Variants in CELA3B observed in about 807,000 individuals in gnomAD.
CELA3B encodes chymotrypsin like elastase 3B, also known as chymotrypsin-like elastase family member 3B.
Under a neutral mutation model 37.2 loss-of-function variants are expected in CELA3B, and 34 were observed. That is an observed-to-expected ratio of 0.91 (90% CI 0.70 to 1.22). CELA3B has a LOEUF of 1.22. CELA3B is among the 50% of genes most tolerant of loss of function. The pLI is 0.00. For missense variants in CELA3B, 340 were observed against 363.1 expected, an observed-to-expected ratio of 0.94 and a Z score of 0.52; for synonymous variants, 127 against 143.5, an observed-to-expected ratio of 0.89 and a Z score of 0.82.
chr1:21,981,816 C>G (rs1176883339), intron 4 of CELA3B, among the ~76,000 whole-genome samples: 1 of 151,924 alleles, frequency 6.6e-6, no homozygotes, highest in Admixed American at 6.6e-5. Flanking sequence ...AGCTCTGCCT[C>G]CCGGGTTCAC....
chr1:21,981,054 C>G lies in CELA3B; in HGVS notation c.244C>G (p.Gln82Glu). The G allele has an allele frequency of 6.2e-7, 1 of 1,614,124 alleles. No homozygotes were observed. The highest frequency in any genetic ancestry group is 8.5e-7 in the Non-Finnish European group (1 of 1,180,030). Residue 82 changes from glutamine (Q) to glutamate (E), a missense_variant, in exon 4 of 8, where the codon CAG (glutamine) becomes GAG (glutamate). By Grantham distance (29) the Gln-to-Glu change is conservative (BLOSUM62 2). Transcript: ENST00000337107. ...CGCCCGCAGGAGCTCCCGGACCTAC[C>G]AGGTGGTGTTGGGCGAGTACGACCG... The part of the protein sequence containing the change: ...GHCISSSRTY[Q>E]VVLGEYDRAV...
At chr1:21,986,184 C>G (rs1161095648) in intron 6 of CELA3B, among the ~76,000 whole-genome samples, 1 of 151,334 alleles carries the variant, frequency 6.6e-6, no homozygotes, top group Non-Finnish European at 1.5e-5. Flanking sequence ...ACCTGGCCAA[C>G]ATGGTGAAAT....
chr1:21,993,324 T>G (rs12123754), downstream of CELA3B, among the ~76,000 whole-genome samples: 6,645 of 150,458 alleles, frequency 0.044, 527 homozygotes, highest in African/African-American at 0.13. Context: ...TAGCTGAGCA[T>G]GGTGGCGCGT....
intron 6 of CELA3B, among the ~76,000 whole-genome samples, chr1:21,986,213 A>G (rs1187145211): frequency 6.6e-6 from 1 of 151,370 alleles, no homozygotes; most frequent in Non-Finnish European, 1.5e-5. Flanking sequence ...TATTAAATAT[A>G]CAAAAATTAG....
rs1326943993 is a variant in CELA3B, at chr1:21,985,657, C to T, written c.643-874C>T. Among the ~76,000 whole-genome samples, 8 of 151,442 alleles carry T rather than the reference C, an allele frequency of 5.3e-5. No homozygotes were observed. In the South Asian group the frequency reaches 1.7e-3, roughly 32 times the overall value. On this transcript the variant is annotated intron_variant, in intron 6 of 7. Coordinates refer to ENST00000337107, the MANE Select transcript of CELA3B (RefSeq NM_007352.4). ...CTGTAATCCCAGCACTTTGGGAGGCCGAGCCGGGCGGATCACGAGGTCAGG... is the reference window on the plus strand; with the variant it reads ...CTGTAATCCCAGCACTTTGGGAGGCTGAGCCGGGCGGATCACGAGGTCAGG...
rs189004816 is a variant in CELA3B, at chr1:21,997,004, T to C, written c.505-1147T>C. Among the ~76,000 whole-genome samples the C allele has an allele frequency of 7.9e-4, 119 of 151,348 alleles. 4 individuals carry two copies. Among genetic ancestry groups the C allele is most frequent in the Admixed American group, 1.8e-3 (27 of 15,194 alleles). ...TTTTAAGAATTTATTCCAGCAAAAA[T>C]CTGAGAATAGTCATCCAGAAACATG... On this transcript the variant is annotated intron_variant, in intron 4 of 4. Coordinates refer to the CELA3B transcript ENST00000400277.
chr1:21,985,919 C>T (rs1449132841), intron 6 of CELA3B, among the ~76,000 whole-genome samples: 6 of 8,738 alleles, frequency 6.9e-4, no homozygotes, highest in African/African-American at 1.5e-3. Flanking sequence ...ATCAAATACC[C>T]TCGTATTATA....
chr1:21,980,965 G>A (rs1399939798), intron 3 of CELA3B, 44 bp downstream of exon 3: 1 of 1,614,118 alleles, frequency 6.2e-7, no homozygotes, highest in Non-Finnish European at 8.5e-7. Flanking sequence ...CGGGCAGCTG[G>A]GGAGGGTGGG....
chr1:21,989,740 A>T (rs2501268), downstream of CELA3B, among the ~76,000 whole-genome samples: 59 of 151,016 alleles, frequency 3.9e-4, no homozygotes, highest in African/African-American at 1.3e-3. Context: ...ACAATGTGTG[A>T]TCTGCTTCCA....
At chr1:21,992,968 CA>C (rs569090847), downstream of CELA3B, among the ~76,000 whole-genome samples, 12,159 of 107,242 alleles carry the variant, frequency 0.11, 1,553 homozygotes, top group African/African-American at 0.32. Flanking sequence ...ACCTTGTCTC[CA>C]AAAAAAAAAA....
chr1:21,993,252 G>T (rs886267370), downstream of CELA3B, among the ~76,000 whole-genome samples: 3 of 151,328 alleles, frequency 2.0e-5, no homozygotes, highest in African/African-American at 7.3e-5. Context: ...CTTGAGGTCA[G>T]GAGTTCGAGA....
At chr1:21,996,161 C>T (rs1463348134) in intron 4 of CELA3B, among the ~76,000 whole-genome samples, 7 of 151,068 alleles carry the variant, frequency 4.6e-5, no homozygotes, top group African/African-American at 9.8e-5. Flanking sequence ...TGCAGTGAGC[C>T]GAGATCGCGC....
downstream of CELA3B, among the ~76,000 whole-genome samples, chr1:21,991,294 T>C (rs904856673): frequency 6.4e-5 from 9 of 140,092 alleles, no homozygotes; most frequent in African/African-American, 2.5e-4. Flanking sequence ...TGCCTCAGCC[T>C]TCCGAGTAGC....
chr1:21,994,547 TCTGA>T (rs1181686408), intron 4 of CELA3B, among the ~76,000 whole-genome samples: 1 of 150,896 alleles, frequency 6.6e-6, no homozygotes, highest in African/African-American at 2.5e-5. Context: ...CTGGTTTGAC[TCTGA>T]CTGACAAAGG....
chr1:21,993,377 G>A (rs1451240741), downstream of CELA3B, among the ~76,000 whole-genome samples: 1 of 148,638 alleles, frequency 6.7e-6, no homozygotes, highest in African/African-American at 2.5e-5. Context: ...TGGAAGAATT[G>A]CTTGAACTTG....
chr1:21,991,371 T>A (rs952296318), downstream of CELA3B, among the ~76,000 whole-genome samples: 1 of 147,700 alleles, frequency 6.8e-6, no homozygotes, highest in Non-Finnish European at 1.5e-5. Flanking sequence ...AGTCTCGCTC[T>A]GTCGCCCAGG....
At chr1:21,990,218 TG>T (rs1426848782), downstream of CELA3B, among the ~76,000 whole-genome samples, 3 of 124,196 alleles carry the variant, frequency 2.4e-5, no homozygotes, top group Non-Finnish European at 5.1e-5. Context: ...GAGATTTGGG[TG>T]GGGACACAAA....
chr1:21,978,227 G>A (rs1644782736), intron 1 of CELA3B, 142 bp from the exon 2 acceptor site: 2 of 685,736 alleles, frequency 2.9e-6, no homozygotes, highest in Non-Finnish European at 5.2e-6. Flanking sequence ...CTATTCATAT[G>A]TGGTTACTGA....
Position 21,977,126 on chromosome 1 carries a change from T to C in CELA3B, c.43+44T>C, listed in dbSNP as rs374836173. 8.3e-5 allele frequency: 132 copies of C among 1,595,664 alleles called. 1 individual carries two copies. The highest frequency in any genetic ancestry group is 3.3e-4 in the Middle Eastern group (2 of 6,050). ...TGTGTGCTCCCTGGGCTGCCCTAGA[T>C]TAGGAATCCTTGAAATCTACCACTT... On this transcript the variant is annotated intron_variant, in intron 1 of 7. Transcript: ENST00000337107.
Sources: gnomAD v4.1 joint callset for allele counts (sites outside exome capture counted in the v4.1 genomes callset) on GRCh38, gnomAD v4.1.1 for gene constraint, MANE v1.5 for transcripts, NCBI Gene and HGNC (gene_info 2026-07-23, HGNC 2026-07-21) for gene names.